Variants in MTA1 observed in about 807,000 individuals in gnomAD.
MTA1 encodes metastasis-associated protein MTA1.
Under a neutral mutation model 97.0 loss-of-function variants are expected in MTA1, and 15 were observed. That is an observed-to-expected ratio of 0.15 (90% CI 0.10 to 0.24). MTA1 has a LOEUF of 0.24. Among genes scored for constraint, MTA1 ranks in the 10% least tolerant of loss-of-function variants. The probability of loss-of-function intolerance (pLI) is 1.00; values close to 1 mark genes in which losing one functional copy is unlikely to be tolerated. For missense variants in MTA1, 709 were observed against 1,015.1 expected, an observed-to-expected ratio of 0.70 and a Z score of 4.10; for synonymous variants, 435 against 417.5, an observed-to-expected ratio of 1.04 and a Z score of -0.51.
In MTA1 at chr14:105,470,468, G is replaced by GT. The variant is rs2141733837; in HGVS notation, c.*254dup. 2 of 427,984 alleles carry GT rather than the reference G, an allele frequency of 4.7e-6. No individual in the cohort carries two copies. Among genetic ancestry groups the GT allele is most frequent in the East Asian group, 4.4e-5 (1 of 22,532 alleles). The allele number at this position is 427,984 out of a possible 1,614,324, so 26.5% of individuals were successfully genotyped here. On this transcript the variant is annotated 3_prime_UTR_variant, in exon 21 of 21. Coordinates refer to ENST00000331320, the MANE Select transcript of MTA1 (RefSeq NM_004689.4). ...TGGAGCGGAGATGAGGGGCCACCCC[G>GT]TGCCCCTGTGCTGCGGGGCCTTTTG...
At chr14:105,456,928 C>T (rs1555430053) in intron 7 of MTA1, among the ~76,000 whole-genome samples, 1 of 152,248 alleles carries the variant, frequency 6.6e-6, no homozygotes, top group East Asian at 1.9e-4. Flanking sequence ...CTGACCCTCC[C>T]TGGACACATG....
intron 2 of MTA1, among the ~76,000 whole-genome samples, chr14:105,441,749 C>CAG (rs2082536334): frequency 1.3e-5 from 2 of 152,056 alleles, no homozygotes; most frequent in Non-Finnish European, 2.9e-5. Flanking sequence ...AGCCGAGATC[C>CAG]CGCCACTACA....
rs2083305436 is a variant in MTA1 at position 105,460,382 on chromosome 14, C to T, written c.678C>T (p.Ala226=). ...VARSVGTFAR[A]LDCSSSVRQP... is the part of the protein sequence containing the mutation. ...GCTCTGTGGGCACCTTCGCACGGGC[C>T]CTGGACTGCAGCAGCTCCGTCCGAC... The change falls in exon 9 of 21, where the codon GCC becomes GCT. Residue 226 remains alanine (A), a synonymous_variant. Transcript: ENST00000331320. The T allele has an allele frequency of 3.1e-6, 5 of 1,611,580 alleles. No homozygotes were observed. Among genetic ancestry groups the T allele is most frequent in the East Asian group, 4.5e-5 (2 of 44,870 alleles).
chr14:105,421,630 G>A (rs906086856), intron 1 of MTA1, among the ~76,000 whole-genome samples: 19 of 152,316 alleles, frequency 1.2e-4, no homozygotes, highest in African/African-American at 4.3e-4. Context: ...TGATCTTGGC[G>A]CCAGCCTGGC....
chr14:105,448,646 C>G (rs953207998), intron 3 of MTA1, among the ~76,000 whole-genome samples: 4 of 152,168 alleles, frequency 2.6e-5, no homozygotes, highest in Admixed American at 6.5e-5. Context: ...TTCTATGGAC[C>G]GGGAGGAGGT....
Position 105,454,214 on chromosome 14 carries a change from G to C in MTA1, c.454G>C (p.Val152Leu). Residue 152 changes from valine (V) to leucine (L), a missense_variant, in exon 7 of 21, where the codon GTC becomes CTC. Physicochemically the swap from Val to Leu is conservative, Grantham distance 32 (BLOSUM62 1). This residue lies in a region of MTA1 where 321 missense variants were observed against 593.5 expected (regional missense o/e 0.54). Coordinates refer to ENST00000331320, the MANE Select transcript of MTA1 (RefSeq NM_004689.4). The stretch of plus-strand genomic sequence containing the variant: ...CCAGGATTTCTTCTTCTATTCTCTA[G>C]TCTACGACCCACAGCAGAAGACCCT... ...EREDFFFYSL[V>L]YDPQQKTLLA... 6.2e-7 allele frequency: 1 copy of C among 1,613,142 alleles called. No individual in the cohort carries two copies.
At chr14:105,469,757 C>A (rs2083754788) in intron 19 of MTA1, 84 bp from the exon 20 acceptor site, 6 of 1,393,852 alleles carry the variant, frequency 4.3e-6, no homozygotes, top group Non-Finnish European at 5.6e-6. Flanking sequence ...GTTGGCCAGG[C>A]ACAGCACCTC....
rs367885525 is a variant in MTA1, at chr14:105,469,398, C to T, written c.1814-69C>T. Reference sequence around the variant, plus strand: ...CCCATTGTCCCAAGGTGGCTGAGGCCGTGGTGGGCGGTGGGAGTGCAGGAC... The same window carrying T: ...CCCATTGTCCCAAGGTGGCTGAGGCTGTGGTGGGCGGTGGGAGTGCAGGAC... On this transcript the variant is annotated intron_variant, in intron 18 of 20. Transcript: ENST00000331320. The T allele has an allele frequency of 1.8e-4, 277 of 1,551,386 alleles. 2 individuals carry two copies. The African/African-American group carries it at 3.1e-3, about 17-fold the overall frequency.
intron 3 of MTA1, chr14:105,445,911 C>T (rs1481157792): frequency 8.7e-6 from 3 of 342,992 alleles, no homozygotes; most frequent in Admixed American, 4.5e-5. Context: ...TGCGGAGAGG[C>T]TTCTGTTGGG....
At position 105,425,250 on chromosome 14, in the gene MTA1, C is replaced by G. The variant is rs587663960; in HGVS notation, c.28+5187C>G. ...GGTTGGGGGGCAGCTTAGACCCTAC[C>G]TTAGACTCCAGCAGGCTGTCTTGGG... On this transcript the variant is annotated intron_variant, in intron 1 of 20. Transcript: ENST00000331320. 9.2e-5 allele frequency among the ~76,000 whole-genome samples: 14 copies of G among 152,292 alleles called. No homozygotes were observed. The South Asian group carries it at 2.5e-3, about 27-fold the overall frequency.
Position 105,470,379 on chromosome 14 carries a change from G to GCGGCTAACTTATTCCGAGAATGC in MTA1, c.*167_*189dup, listed in dbSNP as rs2083792134. ...ACACTGGGGGAGGAGAGGAAGAAGCGCGGCTAACTTATTCCGAGAATGCCG... is the reference window on the plus strand; with the variant it reads ...ACACTGGGGGAGGAGAGGAAGAAGCGCGGCTAACTTATTCCGAGAATGCCGGCTAACTTATTCCGAGAATGCCG... On this transcript the variant is annotated 3_prime_UTR_variant, in exon 21 of 21. Coordinates refer to ENST00000331320, the MANE Select transcript of MTA1 (RefSeq NM_004689.4). 1.1e-5 allele frequency: 6 copies of GCGGCTAACTTATTCCGAGAATGC among 568,164 alleles called. No homozygotes were observed. The highest frequency in any genetic ancestry group is 1.7e-5 in the Non-Finnish European group (6 of 352,364). 35.2% of individuals were successfully genotyped at this position (568,164 alleles called of 1,614,324 possible).
intron 1 of MTA1, among the ~76,000 whole-genome samples, chr14:105,436,624 C>T (rs782204584): frequency 5.9e-5 from 9 of 152,130 alleles, no homozygotes; most frequent in Non-Finnish European, 8.8e-5. Flanking sequence ...CTGCAGACCC[C>T]GAGCTGCCAG....
In MTA1 at chr14:105,419,963, G is replaced by C. The variant is rs1363858923; in HGVS notation, c.-73G>C. 2.1e-5 allele frequency: 14 copies of C among 673,460 alleles called. No individual in the cohort carries two copies. Among genetic ancestry groups the C allele is most frequent in the Non-Finnish European group, 2.2e-5 (12 of 550,666 alleles). 41.7% of individuals were successfully genotyped at this position (673,460 alleles called of 1,614,324 possible). The stretch of plus-strand genomic sequence containing the variant: ...CGGCGCCCCCCGCCCCCGCCATCGC[G>C]CCTCCATTTTCCCGGCCGCCCGCGC... On this transcript the variant is annotated 5_prime_UTR_variant, in exon 1 of 21. Coordinates refer to ENST00000331320, the MANE Select transcript of MTA1 (RefSeq NM_004689.4).
rs2081769819 is a variant in MTA1, at chr14:105,419,998, C to T, written c.-38C>T. The T allele has an allele frequency of 2.0e-6, 2 of 1,013,818 alleles. No homozygotes were observed. The highest frequency in any genetic ancestry group is 2.3e-6 in the Non-Finnish European group (2 of 851,800). The allele number at this position is 1,013,818 out of a possible 1,614,324, so 62.8% of individuals were successfully genotyped here. A position where few individuals can be genotyped will look rare whatever the true frequency, so the allele number is the denominator to read the frequency against. On this transcript the variant is annotated 5_prime_UTR_variant, in exon 1 of 21. Coordinates refer to ENST00000331320, the MANE Select transcript of MTA1 (RefSeq NM_004689.4). ...TCCCGGCCGCCCGCGCCGAGCGCCGCGCCCGCCCCGGGCCCCTCCGCCGCC... is the reference window on the plus strand; with the variant it reads ...TCCCGGCCGCCCGCGCCGAGCGCCGTGCCCGCCCCGGGCCCCTCCGCCGCC...
chr14:105,433,892 A>C (rs2082253765), intron 1 of MTA1, among the ~76,000 whole-genome samples: 1 of 152,122 alleles, frequency 6.6e-6, no homozygotes, highest in African/African-American at 2.4e-5. Flanking sequence ...CAGTGGCACA[A>C]TCTCGGCTCA....
intron 7 of MTA1, among the ~76,000 whole-genome samples, chr14:105,455,128 A>T (rs1016496055): frequency 2.6e-5 from 4 of 151,974 alleles, no homozygotes; most frequent in African/African-American, 9.7e-5. Context: ...TTGGTCTCAA[A>T]CCCCTGAACT....
chr14:105,437,333 G>C (rs1275541279), intron 1 of MTA1, among the ~76,000 whole-genome samples: 1 of 151,418 alleles, frequency 6.6e-6, no homozygotes, highest in Non-Finnish European at 1.5e-5. Context: ...GTCCTCATGG[G>C]AGTGTCCTCA....
Position 105,463,448 on chromosome 14 carries a change from C to G in MTA1, c.1018-45C>G. 1.2e-6 allele frequency: 2 copies of G among 1,604,194 alleles called. No homozygotes were observed. The highest frequency in any genetic ancestry group is 4.5e-5 in the East Asian group (2 of 44,836). On this transcript the variant is annotated intron_variant, in intron 11 of 20. Transcript: ENST00000331320. The surrounding 1 kb of genome is among the most constrained non-coding windows in gnomAD (Gnocchi z 5.9). ...CAGCCTGTCTGCACTGCAGCCCCAA[C>G]CTGGGCCTAGCCTGCTGACCTCTGA...
chr14:105,449,509 A>C, intron 4 of MTA1, 100 bp downstream of exon 4: 9 of 1,335,628 alleles, frequency 6.7e-6, no homozygotes, highest in Non-Finnish European at 9.3e-6. Flanking sequence ...GGCCGCCTGC[A>C]TGCCTGTGCC....
Sources: allele counts gnomAD v4.1 joint callset (sites outside exome capture counted in the v4.1 genomes callset), GRCh38; gene constraint gnomAD v4.1.1; regional missense constraint gnomAD v4.1.1; non-coding constraint Gnocchi (gnomAD v3.1); transcripts MANE v1.5; gene names NCBI Gene and HGNC (gene_info 2026-07-23, HGNC 2026-07-21).